The following MPRIP variants were observed in gnomAD, a reference collection of about 807,000 sequenced individuals.
The protein encoded by MPRIP is myosin phosphatase Rho interacting protein.
Under a neutral mutation model 234.9 loss-of-function variants are expected in MPRIP, and 59 were observed. The ratio of observed to expected loss-of-function variants is 0.25; its 90% CI spans 0.20 to 0.31. The LOEUF (loss-of-function observed/expected upper bound fraction) is 0.31. MPRIP is among the 10% of genes least tolerant of loss of function. MPRIP has a pLI of 1.00. For missense variants in MPRIP, 2,436 were observed against 3,071.0 expected, an observed-to-expected ratio of 0.79 and a Z score of 4.89; for synonymous variants, 1,144 against 1,263.9, an observed-to-expected ratio of 0.91 and a Z score of 2.01.
intron 3 of MPRIP, among the ~76,000 whole-genome samples, chr17:17,088,103 G>T (rs748629856): frequency 1.3e-5 from 2 of 152,240 alleles, no homozygotes; most frequent in Non-Finnish European, 2.9e-5. Context: ...GTTCCACCTG[G>T]TTATCCACTT....
In MPRIP at chr17:17,175,713, G is replaced by A. The variant is rs1194077492; in HGVS notation, c.6870+301G>A. ...AAACACTGACCACTCAAAAGGACACGTTCTGTAGCCATGTGGCTGCTGCAG... is the reference window on the plus strand; with the variant it reads ...AAACACTGACCACTCAAAAGGACACATTCTGTAGCCATGTGGCTGCTGCAG... On this transcript the variant is annotated intron_variant, in intron 20 of 23. Coordinates refer to ENST00000651222, the MANE Select transcript of MPRIP (RefSeq NM_001364716.4). Among the ~76,000 whole-genome samples, 6 of 152,340 alleles carry A rather than the reference G, an allele frequency of 3.9e-5. No individual in the cohort carries two copies. In the South Asian group the frequency reaches 8.3e-4, roughly 21 times the overall value.
chr17:17,061,082 G>A (rs559201762), intron 1 of MPRIP, among the ~76,000 whole-genome samples: 1 of 152,296 alleles, frequency 6.6e-6, no homozygotes, highest in African/African-American at 2.4e-5. Context: ...TGTGGGTGAG[G>A]CAGGTGGGCA....
intron 1 of MPRIP, among the ~76,000 whole-genome samples, chr17:17,059,598 G>A (rs926885934): frequency 1.4e-4 from 21 of 152,240 alleles, no homozygotes; most frequent in Non-Finnish European, 2.8e-4. Context: ...CCCCTCCCAG[G>A]GAAGTCTCCC....
intron 4 of MPRIP, among the ~76,000 whole-genome samples, chr17:17,131,228 C>T (rs972608403): frequency 6.6e-6 from 1 of 152,216 alleles, no homozygotes; most frequent in Non-Finnish European, 1.5e-5. Flanking sequence ...CTCCTAGATT[C>T]TGGCCTCAGG....
chr17:17,131,503 C>A, intron 4 of MPRIP, 114 bp from the exon 5 acceptor site: 2 of 816,668 alleles, frequency 2.4e-6, no homozygotes, highest in Non-Finnish European at 2.0e-6. Flanking sequence ...GCGTAGCAGT[C>A]TGTCACTGGG....
chr17:17,097,858 A>G (rs1291536121), intron 3 of MPRIP, among the ~76,000 whole-genome samples: 1 of 152,178 alleles, frequency 6.6e-6, no homozygotes, highest in Non-Finnish European at 1.5e-5. Context: ...CTATTGAGAG[A>G]AGCTTTTTGA....
intron 9 of MPRIP, among the ~76,000 whole-genome samples, chr17:17,144,646 A>G (rs2045416995): frequency 6.6e-6 from 1 of 152,196 alleles, no homozygotes; most frequent in Non-Finnish European, 1.5e-5. Flanking sequence ...TCACGAGGTC[A>G]AGAGATCGAG....
chr17:17,090,854 G>A (rs1295830220), intron 3 of MPRIP, among the ~76,000 whole-genome samples: 1 of 152,196 alleles, frequency 6.6e-6, no homozygotes, highest in Non-Finnish European at 1.5e-5. Context: ...CATTCTGTGA[G>A]CTGGGGCCCA....
intron 3 of MPRIP, among the ~76,000 whole-genome samples, chr17:17,111,906 A>C (rs2090179781): frequency 6.6e-6 from 1 of 151,666 alleles, no homozygotes; most frequent in Non-Finnish European, 1.5e-5. Flanking sequence ...CCCACATGCT[A>C]CCCACCCTGG....
At chr17:17,140,754 C>T (rs2090796452) in intron 7 of MPRIP, among the ~76,000 whole-genome samples, 1 of 152,190 alleles carries the variant, frequency 6.6e-6, no homozygotes, top group Non-Finnish European at 1.5e-5. Flanking sequence ...GATAGTGAGT[C>T]ACCTCTGGCT....
chr17:17,147,438 G>A (rs749448002), intron 11 of MPRIP, 51 bp downstream of exon 11: 77 of 1,552,852 alleles, frequency 5.0e-5, no homozygotes, highest in Non-Finnish European at 6.7e-5. Flanking sequence ...AGGGGTCCAG[G>A]CGGCATCTGG....
intron 5 of MPRIP, 51 bp downstream of exon 5, chr17:17,131,752 G>A (rs1374154848): frequency 6.4e-7 from 1 of 1,554,644 alleles, no homozygotes; most frequent in East Asian, 2.2e-5. Flanking sequence ...CCAGGGCTTG[G>A]GAAGAAGTGA....
chr17:17,089,006 G>C (rs1200994152), intron 3 of MPRIP, among the ~76,000 whole-genome samples: 1 of 152,142 alleles, frequency 6.6e-6, no homozygotes, highest in East Asian at 1.9e-4. Flanking sequence ...CTGGCCTGAG[G>C]GCTGGTCCAG....
At chr17:17,173,843 CAAG>C (rs1363613105) in intron 18 of MPRIP, 70 bp from the exon 19 acceptor site, 1 of 1,573,950 alleles carries the variant, frequency 6.4e-7, no homozygotes, top group East Asian at 2.2e-5. Flanking sequence ...TGTCTGGTGT[CAAG>C]GAGGGACACC....
At chr17:17,123,703 CAAAAAAAAAAAA>C (rs371753802) in intron 3 of MPRIP, among the ~76,000 whole-genome samples, 201 of 59,302 alleles carry the variant, frequency 3.4e-3, no homozygotes, top group African/African-American at 0.01. Flanking sequence ...GACTTCGTCT[CAAAAAAAAAAAA>C]AAAAAAAAAG....
intron 1 of MPRIP, among the ~76,000 whole-genome samples, chr17:17,066,507 C>G (rs1048504412): frequency 5.3e-5 from 8 of 151,990 alleles, no homozygotes; most frequent in African/African-American, 1.9e-4. Flanking sequence ...GTTTATAATT[C>G]TATAAATATA....
In MPRIP at chr17:17,164,263, C is replaced by T. The variant is rs775953865; in HGVS notation, c.2672C>T (p.Thr891Met). The T allele has an allele frequency of 1.3e-5, 17 of 1,304,254 alleles. No homozygotes were observed. Among genetic ancestry groups the T allele is most frequent in the East Asian group, 5.5e-5 (1 of 18,026 alleles). The allele number at this position is 1,304,254 out of a possible 1,614,324, so 80.8% of individuals were successfully genotyped here. Reference sequence around the variant, plus strand: ...CGTAGCTATGGGGAGGCCAAGGACACGATCCGGCACCACGAGGCTGAGATC... The same window carrying T: ...CGTAGCTATGGGGAGGCCAAGGACATGATCCGGCACCACGAGGCTGAGATC... Reference protein sequence around the residue: ...LKRSYGEAKDTIRHHEAEIRS... With the variant: ...LKRSYGEAKDMIRHHEAEIRS... The change falls in exon 16 of 24, where the codon ACG becomes ATG. Residue 891 changes from threonine (T) to methionine (M), a missense_variant. Physicochemically the swap from Thr to Met is moderately conservative, Grantham distance 81. Transcript: ENST00000651222.
chr17:17,074,159 A>G (rs2089269883), intron 1 of MPRIP, among the ~76,000 whole-genome samples: 1 of 152,218 alleles, frequency 6.6e-6, no homozygotes. Flanking sequence ...ACTGAATAAA[A>G]AGCACATCAG....
At chr17:17,053,309 C>G (rs1003367988) in intron 1 of MPRIP, among the ~76,000 whole-genome samples, 2 of 152,204 alleles carry the variant, frequency 1.3e-5, no homozygotes, top group Non-Finnish European at 2.9e-5. Context: ...ATCTATGCCC[C>G]TCATCTGAAA....
Sources: allele counts gnomAD v4.1 joint callset (sites outside exome capture counted in the v4.1 genomes callset), GRCh38; gene constraint gnomAD v4.1.1; transcripts MANE v1.5; gene names NCBI Gene and HGNC (gene_info 2026-07-23, HGNC 2026-07-21).